PARP8: variants seen among roughly 807,000 people sequenced by gnomAD.
PARP8 encodes protein mono-ADP-ribosyltransferase PARP8.
In PARP8, 51 loss-of-function variants were observed where a neutral mutation model predicts 124.1. The ratio of observed to expected loss-of-function variants is 0.41; its 90% CI spans 0.33 to 0.52. The LOEUF (loss-of-function observed/expected upper bound fraction) is 0.52, where lower values mean the gene tolerates loss of function less well. Among genes scored for constraint, PARP8 ranks in the 20% least tolerant of loss-of-function variants. The pLI is 0.21. For missense variants in PARP8, 860 were observed against 1,018.9 expected (o/e 0.84, Z 2.12); for synonymous variants, 391 against 361.5 (o/e 1.08, Z -0.93).
At chr5:50,678,157 TTTAC>T (rs1750852689) in intron 2 of PARP8, among the ~76,000 whole-genome samples, 1 of 152,138 alleles carries the variant, frequency 6.6e-6, no homozygotes, top group African/African-American at 2.4e-5. Context: ...AAAGTAATTA[TTTAC>T]TATTACAAAA....
At chr5:50,746,818 G>A (rs75169707) in intron 2 of PARP8, among the ~76,000 whole-genome samples, 6,437 of 152,194 alleles carry the variant, frequency 0.042, 435 homozygotes, top group African/African-American at 0.15. Context: ...CTTGAGGCCA[G>A]ATGTTTGAGA....
At chr5:50,712,952 A>G (rs997253226) in intron 2 of PARP8, among the ~76,000 whole-genome samples, 2 of 151,934 alleles carry the variant, frequency 1.3e-5, no homozygotes, top group African/African-American at 2.4e-5. Flanking sequence ...AATAAACTCA[A>G]TACAGAGATG....
chr5:50,695,729 A>C (rs1752955370), intron 2 of PARP8, among the ~76,000 whole-genome samples: 2 of 152,168 alleles, frequency 1.3e-5, no homozygotes, highest in Admixed American at 6.5e-5. Flanking sequence ...CTCATCAGGT[A>C]TGGAGTTATT....
chr5:50,791,331 A>G (rs1011005980), intron 10 of PARP8, among the ~76,000 whole-genome samples: 8 of 152,150 alleles, frequency 5.3e-5, no homozygotes, highest in African/African-American at 1.7e-4. Context: ...TTACTCTCAT[A>G]TTTCCTAGAT....
At chr5:50,783,583 A>G (rs1163478425) in intron 9 of PARP8, among the ~76,000 whole-genome samples, 7 of 152,272 alleles carry the variant, frequency 4.6e-5, no homozygotes, top group African/African-American at 1.7e-4. Context: ...TACAATTTAC[A>G]TATTTGCTTT....
At chr5:50,683,233 C>G (rs1422499339) in intron 2 of PARP8, among the ~76,000 whole-genome samples, 2 of 152,046 alleles carry the variant, frequency 1.3e-5, no homozygotes, top group Admixed American at 1.3e-4. Context: ...GTTGTTTAAC[C>G]CTTTTTGTAG....
At position 50,728,753 on chromosome 5, in the gene PARP8, G is replaced by A. The variant is rs966343696; in HGVS notation, c.147-21398G>A. On this transcript the variant is annotated intron_variant, in intron 2 of 25. Coordinates refer to ENST00000281631, the MANE Select transcript of PARP8 (RefSeq NM_024615.4). ...CAAGGAAGTTAGCTGTTTTTGAGTT[G>A]ATAACTTCTCCATCAAAGTTTAAAA... Among the ~76,000 whole-genome samples the A allele has an allele frequency of 9.2e-5, 14 of 151,978 alleles. 1 individual carries two copies. Among genetic ancestry groups the A allele is most frequent in the African/African-American group, 3.4e-4 (14 of 41,390 alleles).
chr5:50,819,377 G>C (rs372815122), intron 15 of PARP8, among the ~76,000 whole-genome samples: 3 of 143,344 alleles, frequency 2.1e-5, no homozygotes, highest in African/African-American at 5.3e-5. Context: ...ATATCCATCT[G>C]TGTCATTCCC....
intron 9 of PARP8, among the ~76,000 whole-genome samples, chr5:50,788,281 A>C (rs1741523647): frequency 6.8e-6 from 1 of 147,004 alleles, no homozygotes; most frequent in East Asian, 1.9e-4. Context: ...ATTATGTATT[A>C]TACAATATAA....
intron 15 of PARP8, among the ~76,000 whole-genome samples, chr5:50,816,959 A>T (rs1450216524): frequency 6.6e-6 from 1 of 152,210 alleles, no homozygotes; most frequent in Non-Finnish European, 1.5e-5. Flanking sequence ...AAACCTTACA[A>T]GGGATATGTT....
chr5:50,821,245 T>C lies in PARP8; in HGVS notation c.1701T>C (p.Ser567=). The change falls in exon 16 of 26, where the codon TCT becomes TCC. Residue 567 remains serine, a synonymous_variant. Coordinates refer to ENST00000281631, the MANE Select transcript of PARP8 (RefSeq NM_024615.4). ...VVDLLVSMCR[S]ALESPRKVVI... is the part of the protein sequence containing the mutation. ...ATCTACTAGTATCCATGTGTAGGTC[T>C]GCGTTGGAATCTCCTAGAAAAGTTG... The C allele has an allele frequency of 6.2e-7, 1 of 1,613,746 alleles. No homozygotes were observed. Among genetic ancestry groups the C allele is most frequent in the Non-Finnish European group, 8.5e-7 (1 of 1,179,850 alleles).
intron 3 of PARP8, among the ~76,000 whole-genome samples, chr5:50,757,571 C>T (rs1465783042): frequency 6.6e-6 from 1 of 152,012 alleles, no homozygotes; most frequent in Non-Finnish European, 1.5e-5. Context: ...GGTTCTAATT[C>T]CTAAACACTA....
intron 10 of PARP8, 91 bp downstream of exon 10, chr5:50,788,680 C>A (rs1580346177): frequency 2.4e-6 from 2 of 837,598 alleles, no homozygotes; most frequent in East Asian, 6.1e-5. Flanking sequence ...AAAACCTATT[C>A]AGTAAGAACT....
chr5:50,724,933 T>C (rs1248659265), intron 2 of PARP8, among the ~76,000 whole-genome samples: 2 of 152,000 alleles, frequency 1.3e-5, no homozygotes, highest in East Asian at 1.9e-4. Flanking sequence ...GCTCCCACTT[T>C]TAAGTGAAAA....
intron 2 of PARP8, among the ~76,000 whole-genome samples, chr5:50,722,693 T>C (rs546420818): frequency 2.6e-5 from 4 of 152,170 alleles, no homozygotes; most frequent in South Asian, 2.1e-4. Flanking sequence ...TTGGTGAAAA[T>C]AGAGTGTTGT....
At chr5:50,797,321 C>G (rs1308823401) in intron 14 of PARP8, 88 bp downstream of exon 14, 1 of 947,732 alleles carries the variant, frequency 1.1e-6, no homozygotes, top group African/African-American at 1.7e-5. Flanking sequence ...TAAATAAATG[C>G]AGTTGAAAGC....
At chr5:50,676,222 A>C (rs1436409368) in intron 2 of PARP8, among the ~76,000 whole-genome samples, 2 of 152,246 alleles carry the variant, frequency 1.3e-5, no homozygotes, top group African/African-American at 4.8e-5. Flanking sequence ...TATTCATTAA[A>C]AATAGTTTTT....
intron 3 of PARP8, among the ~76,000 whole-genome samples, chr5:50,756,405 A>G (rs140988696): frequency 1.1e-3 from 174 of 152,266 alleles, no homozygotes; most frequent in African/African-American, 4.0e-3. Flanking sequence ...TTTACGCTCC[A>G]CATTCTTCTC....
At chr5:50,753,430 T>C (rs1367415283) in intron 3 of PARP8, among the ~76,000 whole-genome samples, 1 of 152,102 alleles carries the variant, frequency 6.6e-6, no homozygotes, top group African/African-American at 2.4e-5. Context: ...CTATATCAAA[T>C]TATAGCCCCA....
Sources: gnomAD v4.1 joint callset for allele counts (sites outside exome capture counted in the v4.1 genomes callset) on GRCh38, gnomAD v4.1.1 for gene constraint, MANE v1.5 for transcripts, NCBI Gene and HGNC (gene_info 2026-07-23, HGNC 2026-07-21) for gene names.